Variants in NDST3 observed in about 807,000 individuals in gnomAD.
NDST3 encodes bifunctional heparan sulfate N-deacetylase/N-sulfotransferase 3.
NDST3 carries 58 observed loss-of-function variants against 96.1 expected under a neutral mutation model. The observed-to-expected ratio is 0.60, with a 90% confidence interval of 0.49 to 0.75. NDST3 has a LOEUF of 0.75. Among genes scored for constraint, NDST3 ranks in the 30% least tolerant of loss-of-function variants. The pLI is 0.00. For missense variants in NDST3, 788 were observed against 1,034.2 expected, an observed-to-expected ratio of 0.76 and a Z score of 3.27; for synonymous variants, 333 against 359.7, an observed-to-expected ratio of 0.93 and a Z score of 0.84.
chr4:118,242,285 G>GA (rs373874137), intron 12 of NDST3, 136 bp downstream of exon 12: 13,223 of 442,504 alleles, frequency 0.03, 7 homozygotes, highest in South Asian at 0.042. Flanking sequence ...ATTAACCACG[G>GA]AAAAAAAAAA....
intron 3 of NDST3, among the ~76,000 whole-genome samples, chr4:118,105,586 G>T (rs1578647101): frequency 6.6e-6 from 1 of 152,096 alleles, no homozygotes; most frequent in East Asian, 1.9e-4. Context: ...AGCTCATTTT[G>T]TACAATGTTA....
chr4:118,092,110 T>C (rs1227927325), intron 2 of NDST3, among the ~76,000 whole-genome samples: 2 of 151,320 alleles, frequency 1.3e-5, no homozygotes, highest in East Asian at 3.9e-4. Context: ...ATGTGTACAA[T>C]GTGCAGGTTT....
intron 2 of NDST3, among the ~76,000 whole-genome samples, chr4:118,089,422 A>T (rs549998188): frequency 1.3e-5 from 2 of 151,968 alleles, no homozygotes; most frequent in Admixed American, 6.6e-5. Context: ...ATTGATTTAC[A>T]TCTGAACTGG....
chr4:118,235,351 A>G (rs140460404), intron 9 of NDST3, among the ~76,000 whole-genome samples: 6 of 152,258 alleles, frequency 3.9e-5, no homozygotes, highest in African/African-American at 1.4e-4. Context: ...TTAATCGAAC[A>G]TCTTTCAAAT....
intron 2 of NDST3, among the ~76,000 whole-genome samples, chr4:118,066,670 C>T (rs1248558534): frequency 1.6e-3 from 1 of 640 alleles, no homozygotes; most frequent in African/African-American, 2.2e-3. Flanking sequence ...ATTATATATA[C>T]ATTATATATA....
chr4:118,039,807 C>A (rs1724346219), intron 1 of NDST3, among the ~76,000 whole-genome samples: 1 of 152,274 alleles, frequency 6.6e-6, no homozygotes, highest in African/African-American at 2.4e-5. Flanking sequence ...CTTTTGGGAA[C>A]TGAAAGAGGA....
chr4:118,247,569 G>T (rs1741402843), intron 12 of NDST3, among the ~76,000 whole-genome samples: 1 of 151,534 alleles, frequency 6.6e-6, no homozygotes, highest in South Asian at 2.1e-4. Flanking sequence ...AAGAAAGAAA[G>T]AAAGAAAGAA....
chr4:118,141,352 T>A (rs892929550), intron 5 of NDST3, among the ~76,000 whole-genome samples: 1 of 152,082 alleles, frequency 6.6e-6, no homozygotes, highest in Non-Finnish European at 1.5e-5. Flanking sequence ...GCCACTGCAT[T>A]TATGGAGCAA....
chr4:118,060,892 C>T (rs1396819504), intron 2 of NDST3, among the ~76,000 whole-genome samples: 2 of 152,042 alleles, frequency 1.3e-5, no homozygotes, highest in African/African-American at 4.8e-5. Context: ...TGTTTAACAC[C>T]GGATATTAGG....
At chr4:118,171,907 G>A (rs1433474427) in intron 6 of NDST3, among the ~76,000 whole-genome samples, 4 of 152,150 alleles carry the variant, frequency 2.6e-5, no homozygotes, top group South Asian at 2.1e-4. Context: ...AGTAAGCAAC[G>A]TAGGTGTCCT....
At chr4:118,062,253 T>A (rs1725954067) in intron 2 of NDST3, among the ~76,000 whole-genome samples, 1 of 152,180 alleles carries the variant, frequency 6.6e-6, no homozygotes, top group Non-Finnish European at 1.5e-5. Context: ...TTTTCCCTCA[T>A]CCTTAAAAGA....
chr4:118,062,938 C>T (rs1726015143), intron 2 of NDST3, among the ~76,000 whole-genome samples: 2 of 152,020 alleles, frequency 1.3e-5, no homozygotes, highest in Non-Finnish European at 2.9e-5. Context: ...TGCCTGTAAT[C>T]CCAGCACTTT....
At chr4:118,115,928 C>T (rs1731047069) in intron 4 of NDST3, among the ~76,000 whole-genome samples, 1 of 152,126 alleles carries the variant, frequency 6.6e-6, no homozygotes, top group Non-Finnish European at 1.5e-5. Flanking sequence ...AATAAACAAA[C>T]AGCTTCAGGT....
In NDST3 at chr4:118,200,454, C is replaced by T. The variant is rs56001813; in HGVS notation, c.1540-24037C>T. 4.7e-3 allele frequency among the ~76,000 whole-genome samples: 713 copies of T among 152,250 alleles called. 5 individuals carry two copies. The highest frequency in any genetic ancestry group is 0.016 in the African/African-American group (667 of 41,538). The stretch of plus-strand genomic sequence containing the variant: ...GACTCACCCTTTAGAGCAGTGAGGT[C>T]CCTTCTGGCCTAAGGCAAGTCCAGA... On this transcript the variant is annotated intron_variant, in intron 6 of 13. Transcript: ENST00000296499.
intron 3 of NDST3, among the ~76,000 whole-genome samples, chr4:118,107,751 T>C (rs1337615120): frequency 6.6e-6 from 1 of 152,114 alleles, no homozygotes; most frequent in Non-Finnish European, 1.5e-5. Flanking sequence ...TAGAAAAGGC[T>C]GACCATTAAA....
At chr4:118,139,154 T>A (rs1733363313) in intron 5 of NDST3, among the ~76,000 whole-genome samples, 1 of 152,194 alleles carries the variant, frequency 6.6e-6, no homozygotes, top group Non-Finnish European at 1.5e-5. Flanking sequence ...CAATAAAAAC[T>A]GTTGTAAATG....
At chr4:118,142,934 C>A (rs1437619267) in intron 5 of NDST3, among the ~76,000 whole-genome samples, 1 of 152,036 alleles carries the variant, frequency 6.6e-6, no homozygotes, top group Non-Finnish European at 1.5e-5. Flanking sequence ...CTAAAAGTAA[C>A]AAACCAAGTG....
intron 2 of NDST3, among the ~76,000 whole-genome samples, chr4:118,082,544 G>A (rs1170755191): frequency 6.6e-6 from 1 of 152,154 alleles, no homozygotes; most frequent in Non-Finnish European, 1.5e-5. Flanking sequence ...CAGTAAGCCT[G>A]AGTGACCTTT....
chr4:118,106,951 A>G (rs1730240190), intron 3 of NDST3, among the ~76,000 whole-genome samples: 2 of 152,280 alleles, frequency 1.3e-5, no homozygotes, highest in South Asian at 4.1e-4. Flanking sequence ...TTAGCCAGGC[A>G]TCGTGGCAGG....
Sources: gnomAD v4.1 joint callset for allele counts (sites outside exome capture counted in the v4.1 genomes callset) on GRCh38, gnomAD v4.1.1 for gene constraint, MANE v1.5 for transcripts, NCBI Gene and HGNC (gene_info 2026-07-23, HGNC 2026-07-21) for gene names.